Variants in NRXN1 observed in about 807,000 individuals in gnomAD.
The protein encoded by NRXN1 is neurexin 1.
A neutral mutation model predicts 150.9 loss-of-function variants in NRXN1; 39 were observed. That is an observed-to-expected ratio of 0.26 (90% CI 0.20 to 0.34). The LOEUF (loss-of-function observed/expected upper bound fraction) is 0.34, where lower values mean the gene tolerates loss of function less well. Among genes scored for constraint, NRXN1 ranks in the 10% least tolerant of loss-of-function variants. The pLI is 1.00. For missense variants in NRXN1, 1,815 were observed against 1,949.9 expected, an observed-to-expected ratio of 0.93 and a Z score of 1.30; for synonymous variants, 924 against 757.0, an observed-to-expected ratio of 1.22 and a Z score of -3.62.
chr2:50,300,279 G>C (rs1470313655), intron 17 of NRXN1, among the ~76,000 whole-genome samples: 3 of 152,226 alleles, frequency 2.0e-5, no homozygotes, highest in Non-Finnish European at 2.9e-5. Flanking sequence ...AGTGATGCCA[G>C]AGATATCTTA....
intron 21 of NRXN1, among the ~76,000 whole-genome samples, chr2:50,033,490 C>T (rs1689492031): frequency 6.6e-6 from 1 of 151,810 alleles, no homozygotes; most frequent in African/African-American, 2.4e-5. Flanking sequence ...GACAGATTAA[C>T]AACTTAAATG....
chr2:50,150,050 T>C (rs1268081643), intron 18 of NRXN1, among the ~76,000 whole-genome samples: 1 of 151,726 alleles, frequency 6.6e-6, no homozygotes, highest in Non-Finnish European at 1.5e-5. Context: ...TTTTTTTCCT[T>C]CTATTAGTGA....
At chr2:50,120,446 T>C (rs1703702773) in intron 18 of NRXN1, among the ~76,000 whole-genome samples, 1 of 152,200 alleles carries the variant, frequency 6.6e-6, no homozygotes, top group African/African-American at 2.4e-5. Flanking sequence ...ATACTATTTA[T>C]AGTTTATTTT....
chr2:50,203,026 G>A (rs569279472), intron 18 of NRXN1, among the ~76,000 whole-genome samples: 1 of 152,210 alleles, frequency 6.6e-6, no homozygotes, highest in East Asian at 1.9e-4. Flanking sequence ...CTGGAAAACG[G>A]TAAAAAAGAT....
intron 2 of NRXN1, among the ~76,000 whole-genome samples, chr2:50,930,866 C>G (rs1025863429): frequency 1.3e-5 from 2 of 152,242 alleles, no homozygotes. Context: ...TGTTAAACAA[C>G]TCTCCTAAGA....
At chr2:50,257,751 A>G (rs1460070647) in intron 17 of NRXN1, among the ~76,000 whole-genome samples, 2 of 152,084 alleles carry the variant, frequency 1.3e-5, no homozygotes, top group Non-Finnish European at 2.9e-5. Context: ...TAATTTAAAG[A>G]GTATCGTTAA....
At chr2:50,495,812 GA>G (rs2091572569) in intron 15 of NRXN1, 92 bp downstream of exon 15, 4 of 1,052,178 alleles carry the variant, frequency 3.8e-6, no homozygotes, top group Admixed American at 3.0e-5. Context: ...AGTCTTTGCA[GA>G]AGGTACAAAC....
chr2:49,967,296 T>G (rs1000105432), intron 21 of NRXN1, among the ~76,000 whole-genome samples: 2 of 152,060 alleles, frequency 1.3e-5, no homozygotes, highest in African/African-American at 4.8e-5. Flanking sequence ...AATCTCAAAT[T>G]ATTCTGAATT....
At chr2:50,119,654 T>C (rs1703584539) in intron 18 of NRXN1, among the ~76,000 whole-genome samples, 1 of 152,102 alleles carries the variant, frequency 6.6e-6, no homozygotes, top group African/African-American at 2.4e-5. Flanking sequence ...AGTGTAATCC[T>C]AGCTTAAGAG....
At chr2:50,047,555 G>C (rs1003149713) in intron 21 of NRXN1, among the ~76,000 whole-genome samples, 3 of 152,068 alleles carry the variant, frequency 2.0e-5, no homozygotes, top group African/African-American at 7.2e-5. Flanking sequence ...ACAGGGTGCA[G>C]TCCTTCTGGG....
chr2:50,070,306 A>G (rs1174029441), intron 19 of NRXN1, among the ~76,000 whole-genome samples: 2 of 152,222 alleles, frequency 1.3e-5, no homozygotes, highest in Non-Finnish European at 2.9e-5. Flanking sequence ...CTTCAAGTCA[A>G]TGGCTGCTCT....
At chr2:50,178,664 A>G (rs535003371) in intron 18 of NRXN1, among the ~76,000 whole-genome samples, 6 of 152,302 alleles carry the variant, frequency 3.9e-5, no homozygotes, top group Non-Finnish European at 8.8e-5. Context: ...TAGAAGTGGG[A>G]CATAAGGTAA....
At chr2:49,971,571 C>T (rs911975722) in intron 21 of NRXN1, among the ~76,000 whole-genome samples, 6 of 152,082 alleles carry the variant, frequency 3.9e-5, no homozygotes, top group African/African-American at 1.4e-4. Context: ...AATATTTATC[C>T]TTTATTACTG....
chr2:50,978,297 T>G (rs1187154448), intron 2 of NRXN1, among the ~76,000 whole-genome samples: 3 of 120,156 alleles, frequency 2.5e-5, no homozygotes, highest in South Asian at 2.7e-4. Context: ...TATATATATA[T>G]ATATATATAA....
intron 13 of NRXN1, among the ~76,000 whole-genome samples, chr2:50,501,881 C>A (rs1302927192): frequency 6.6e-6 from 1 of 152,144 alleles, no homozygotes; most frequent in Non-Finnish European, 1.5e-5. Flanking sequence ...AGATAACTGA[C>A]TTAATAGAAT....
chr2:50,998,464 G>A (rs938552390), intron 2 of NRXN1, among the ~76,000 whole-genome samples: 3 of 151,880 alleles, frequency 2.0e-5, no homozygotes, highest in Non-Finnish European at 2.9e-5. Context: ...TTGTATATTC[G>A]CAAATCATAT....
intron 17 of NRXN1, among the ~76,000 whole-genome samples, chr2:50,265,077 T>C (rs1050071976): frequency 3.3e-5 from 5 of 152,126 alleles, no homozygotes; most frequent in African/African-American, 1.2e-4. Context: ...ATTCTTTTTT[T>C]CCAAAAACAT....
intron 22 of NRXN1, chr2:49,926,420 T>C (rs1339974508): frequency 7.5e-6 from 3 of 398,384 alleles, no homozygotes; most frequent in Non-Finnish European, 1.3e-5. Context: ...CCTATGAATC[T>C]TCTTGTTTTT....
At chr2:51,027,204 G>A (rs937407552) in intron 2 of NRXN1, among the ~76,000 whole-genome samples, 4 of 152,178 alleles carry the variant, frequency 2.6e-5, no homozygotes, top group Non-Finnish European at 4.4e-5. Context: ...ACCTGCCAAA[G>A]AACCCGAGGA....
Sources: allele counts gnomAD v4.1 joint callset (sites outside exome capture counted in the v4.1 genomes callset), GRCh38; gene constraint gnomAD v4.1.1; transcripts MANE v1.5; gene names NCBI Gene and HGNC (gene_info 2026-07-23, HGNC 2026-07-21).